The following PARD6G variants were observed in gnomAD, a reference collection of about 807,000 sequenced individuals.
PARD6G encodes the protein par-6 family cell polarity regulator gamma.
A neutral mutation model predicts 10.7 loss-of-function variants in PARD6G; 7 were observed. That is an observed-to-expected ratio of 0.66 (90% CI 0.37 to 1.23). The LOEUF (loss-of-function observed/expected upper bound fraction) is 1.23, where lower values mean the gene tolerates loss of function less well. Among genes scored for constraint, PARD6G ranks in the 50% most tolerant of loss-of-function variants. PARD6G has a pLI of 0.02. For missense variants in PARD6G, 548 were observed against 571.8 expected, an observed-to-expected ratio of 0.96 and a Z score of 0.42; for synonymous variants, 287 against 269.4, an observed-to-expected ratio of 1.07 and a Z score of -0.64.
intron 2 of PARD6G, chr18:80,170,117 C>T (rs1012939935): frequency 4.6e-5 from 7 of 152,198 alleles, no homozygotes; most frequent in African/African-American, 1.4e-4. Flanking sequence ...TACAAAAATA[C>T]CGCAGAAGAA....
chr18:80,185,974 TCA>T (rs2052873532), intron 2 of PARD6G, among the ~76,000 whole-genome samples: 1 of 97,064 alleles, frequency 1.0e-5, no homozygotes, highest in Non-Finnish European at 2.0e-5. Flanking sequence ...ACATGCACCC[TCA>T]CACACGCATA....
At chr18:80,244,109 C>T (rs987189601) in intron 1 of PARD6G, among the ~76,000 whole-genome samples, 3 of 152,134 alleles carry the variant, frequency 2.0e-5, no homozygotes, top group Non-Finnish European at 2.9e-5. Context: ...AAACCCCTTC[C>T]GATCCCAGCA....
rs1488676493 is a variant in PARD6G at position 80,161,593 on chromosome 18, T to A, written c.296-987A>T. Among the ~76,000 whole-genome samples the A allele has an allele frequency of 6.6e-6, 1 of 152,178 alleles. No individual in the cohort carries two copies. Among genetic ancestry groups the A allele is most frequent in the East Asian group, 1.9e-4 (1 of 5,198 alleles). On this transcript the variant is annotated intron_variant, in intron 2 of 2. Transcript: ENST00000353265. This position sits in a 1 kb window ranked among gnomAD's most constrained non-coding sequence, Gnocchi z 4.6. ...AAAAAAAATCTTGTTTCATTAATTTTTATATGAAACCTCTTGTTCTTGACA... is the reference window on the plus strand; with the variant it reads ...AAAAAAAATCTTGTTTCATTAATTTATATATGAAACCTCTTGTTCTTGACA...
rs1967005119 is a variant in PARD6G at position 80,201,318 on chromosome 18, C to G, written c.295+1392G>C. Among the ~76,000 whole-genome samples, 1 of 152,182 alleles carries G rather than the reference C, an allele frequency of 6.6e-6. No homozygotes were observed. The highest frequency in any genetic ancestry group is 2.1e-4 in the South Asian group (1 of 4,828). On this transcript the variant is annotated intron_variant, in intron 2 of 2. Transcript: ENST00000353265. This position sits in a 1 kb window ranked among gnomAD's most constrained non-coding sequence, Gnocchi z 5.9. ...GTTCCAGGGCAGGGGGCAGGGGGCA[C>G]AGGCCTCCATTCCAGGACCAGCCAA... is the stretch of plus-strand genomic sequence containing the variant.
chr18:80,179,139 A>G (rs975592602), intron 2 of PARD6G, among the ~76,000 whole-genome samples: 2 of 152,072 alleles, frequency 1.3e-5, no homozygotes, highest in African/African-American at 4.8e-5. Context: ...TGAGCACCAG[A>G]AGCCGGCCCA....
chr18:80,202,122 T>C (rs1044391129), intron 2 of PARD6G: 4 of 143,876 alleles, frequency 2.8e-5, no homozygotes, highest in Non-Finnish European at 1.5e-5. Context: ...AGCATATTAT[T>C]TTGAAACAAC....
At chr18:80,162,001 A>G (rs1388177687) in intron 2 of PARD6G, 1 of 152,360 alleles carries the variant, frequency 6.6e-6, no homozygotes, top group Admixed American at 6.5e-5. Flanking sequence ...ATGCTCAGGC[A>G]TCACATCTCT....
In PARD6G at chr18:80,202,722, T is replaced by C. The variant is rs767082132; in HGVS notation, c.283A>G (p.Ile95Val). 1 of 1,612,714 alleles carries C rather than the reference T, an allele frequency of 6.2e-7. No individual in the cohort carries two copies. The highest frequency in any genetic ancestry group is 1.1e-5 in the South Asian group (1 of 91,024). The change falls in exon 2 of 3, where the codon ATC becomes GTC. Residue 95 changes from isoleucine to valine, a missense_variant. This residue lies in a region of PARD6G where 235 missense variants were observed against 291.9 expected (regional missense o/e 0.81). Transcript: ENST00000353265. ...SSANPLLRVFIQKREEAERGS... is the reference protein window; with the variant it reads ...SSANPLLRVFVQKREEAERGS... ...ACCACTTCAGTACCTCGTTTCTGGA[T>C]GAAGACCCTGAGCAGGGGATTTGCA... is the stretch of plus-strand genomic sequence containing the variant.
At position 80,201,429 on chromosome 18, in the gene PARD6G, G is replaced by A. The variant is rs955079655; in HGVS notation, c.295+1281C>T. 1.3e-5 allele frequency among the ~76,000 whole-genome samples: 2 copies of A among 152,186 alleles called. No homozygotes were observed. Among genetic ancestry groups the A allele is most frequent in the African/African-American group, 2.4e-5 (1 of 41,438 alleles). ...CTGTGCAGAGCCATGCAGAGACAGC[G>A]AGGGTCCTTGCCCCCAGCAACCCCG... is the stretch of plus-strand genomic sequence containing the variant. On this transcript the variant is annotated intron_variant, in intron 2 of 2. Transcript: ENST00000353265. The surrounding 1 kb of genome is among the most constrained non-coding windows in gnomAD (Gnocchi z 5.9).
chr18:80,171,104 A>G (rs1376767113), intron 2 of PARD6G: 1 of 152,208 alleles, frequency 6.6e-6, no homozygotes, highest in African/African-American at 2.4e-5. Context: ...GAAAAACTGG[A>G]AGTAAAAGTA....
rs1480265217 is a variant in PARD6G, at chr18:80,230,378, G to A, written c.72+16899C>T. On this transcript the variant is annotated intron_variant, in intron 1 of 2. Coordinates refer to ENST00000353265, the MANE Select transcript of PARD6G (RefSeq NM_032510.4). ...AAATACAGGCGGTCATCCTAATGAG[G>A]AACCTGTTGGAGCGTGGGACTCGGC... Among the ~76,000 whole-genome samples the A allele has an allele frequency of 5.3e-5, 8 of 152,240 alleles. No individual in the cohort carries two copies. In the South Asian group the frequency reaches 1.2e-3, roughly 24 times the overall value.
In PARD6G at chr18:80,158,005, GTATCT is replaced by G. The variant is rs1187127084; in HGVS notation, c.*1761_*1765del. The G allele has an allele frequency of 6.6e-6, 1 of 152,150 alleles. No individual in the cohort carries two copies. Among genetic ancestry groups the G allele is most frequent in the African/African-American group, 2.4e-5 (1 of 41,418 alleles). The allele number at this position is 152,150 out of a possible 1,614,324, so 9.4% of individuals were successfully genotyped here. ...AACCTAGAAAAATATTTCTTTACCT[GTATCT>G]GTATGAAAGATTTGGTCAGAGTTCT... On this transcript the variant is annotated 3_prime_UTR_variant, in exon 3 of 3. Coordinates refer to ENST00000353265, the MANE Select transcript of PARD6G (RefSeq NM_032510.4).
At chr18:80,217,810 G>T (rs955846804) in intron 1 of PARD6G, among the ~76,000 whole-genome samples, 1 of 152,024 alleles carries the variant, frequency 6.6e-6, no homozygotes, top group Non-Finnish European at 1.5e-5. Context: ...AAGGAAAGAG[G>T]TTTTACTGAC....
intron 2 of PARD6G, among the ~76,000 whole-genome samples, chr18:80,165,155 G>C (rs1187477937): frequency 2.0e-5 from 3 of 152,180 alleles, no homozygotes; most frequent in Non-Finnish European, 2.9e-5. Flanking sequence ...TGAAGGTTCT[G>C]CAGGAGACCA....
Position 80,159,654 on chromosome 18 carries a change from G to C in PARD6G, c.*117C>G, listed in dbSNP as rs922762516. On this transcript the variant is annotated 3_prime_UTR_variant, in exon 3 of 3. Coordinates refer to ENST00000353265, the MANE Select transcript of PARD6G (RefSeq NM_032510.4). Reference sequence around the variant, plus strand: ...TTTTATATCCGGAAGTTGAAACAAAGAGCAGCGTTGTTTTTGTGGTCACAA... The same window carrying C: ...TTTTATATCCGGAAGTTGAAACAAACAGCAGCGTTGTTTTTGTGGTCACAA... 7 of 1,291,680 alleles carry C rather than the reference G, an allele frequency of 5.4e-6. No homozygotes were observed. Among genetic ancestry groups the C allele is most frequent in the Non-Finnish European group, 5.9e-6 (6 of 1,013,874 alleles). 80.0% of individuals were successfully genotyped at this position (1,291,680 alleles called of 1,614,324 possible). A position where few individuals can be genotyped will look rare whatever the true frequency, so the allele number is the denominator to read the frequency against.
At chr18:80,213,175 T>TA (rs1453363413) in intron 1 of PARD6G, among the ~76,000 whole-genome samples, 5 of 152,158 alleles carry the variant, frequency 3.3e-5, no homozygotes, top group Admixed American at 3.3e-4. Context: ...TAAAAATGGT[T>TA]AAGATGATGA....
At chr18:80,212,233 G>C (rs1261730038) in intron 1 of PARD6G, among the ~76,000 whole-genome samples, 1 of 152,150 alleles carries the variant, frequency 6.6e-6, no homozygotes, top group Non-Finnish European at 1.5e-5. Flanking sequence ...AGTGTAACCT[G>C]TGATGGAATG....
At chr18:80,162,469 T>A (rs1214447046) in intron 2 of PARD6G, 1 of 169,000 alleles carries the variant, frequency 5.9e-6, no homozygotes, top group African/African-American at 2.4e-5. Context: ...AAGTCCTTTC[T>A]TGCACACTCA....
intron 1 of PARD6G, among the ~76,000 whole-genome samples, chr18:80,238,355 G>A (rs1967449061): frequency 6.6e-6 from 1 of 152,006 alleles, no homozygotes. Context: ...GTGTGGGGAG[G>A]GAGTAGGGAT....
Sources: gnomAD v4.1 joint callset for allele counts (sites outside exome capture counted in the v4.1 genomes callset) on GRCh38, gnomAD v4.1.1 for gene constraint, gnomAD v4.1.1 regional missense constraint, Gnocchi (gnomAD v3.1) non-coding constraint, MANE v1.5 for transcripts, NCBI Gene and HGNC (gene_info 2026-07-23, HGNC 2026-07-21) for gene names.